Variants in ARHGAP15 observed in about 807,000 individuals in gnomAD.
The protein encoded by ARHGAP15 is rho GTPase-activating protein 15.
A neutral mutation model predicts 63.7 loss-of-function variants in ARHGAP15; 51 were observed. The ratio of observed to expected loss-of-function variants is 0.80; its 90% confidence interval spans 0.64 to 1.01. The LOEUF (loss-of-function observed/expected upper bound fraction) is 1.01, where lower values mean the gene tolerates loss of function less well. Ranked by LOEUF, ARHGAP15 falls within the 50% of genes least tolerant of loss-of-function variation. ARHGAP15 has a pLI of 0.00. For missense variants in ARHGAP15, 560 were observed against 564.6 expected (o/e 0.99, Z 0.08); for synonymous variants, 191 against 193.8 (o/e 0.99, Z 0.12).
intron 2 of ARHGAP15, among the ~76,000 whole-genome samples, chr2:143,173,848 A>G (rs756799061): frequency 1.3e-5 from 2 of 152,146 alleles, no homozygotes; most frequent in Non-Finnish European, 2.9e-5. Context: ...TGTCAACCGT[A>G]TGTTAGATTT....
intron 12 of ARHGAP15, among the ~76,000 whole-genome samples, chr2:143,678,503 C>T (rs1255077184): frequency 6.6e-6 from 1 of 152,190 alleles, no homozygotes; most frequent in Non-Finnish European, 1.5e-5. Context: ...TCCTTTCTTC[C>T]TCACAACAGC....
intron 4 of ARHGAP15, among the ~76,000 whole-genome samples, 155 bp downstream of exon 4, chr2:143,216,600 A>G (rs1359058479): frequency 6.6e-6 from 1 of 152,234 alleles, no homozygotes; most frequent in East Asian, 1.9e-4. Context: ...TTTTAATGGA[A>G]CTACAGTTTT....
intron 8 of ARHGAP15, among the ~76,000 whole-genome samples, chr2:143,483,812 G>A (rs1272895757): frequency 1.3e-5 from 2 of 152,184 alleles, no homozygotes; most frequent in Non-Finnish European, 2.9e-5. Flanking sequence ...AGCAATTTTT[G>A]TTTGCTTGGG....
At chr2:143,262,554 T>TTTTTTTTTTTTTTTTTTTTTG (rs1680778565) in intron 6 of ARHGAP15, among the ~76,000 whole-genome samples, 1 of 149,332 alleles carries the variant, frequency 6.7e-6, no homozygotes, top group African/African-American at 2.5e-5. Flanking sequence ...TTTTTTTTTT[T>TTTTTTTTTTTTTTTTTTTTTG]TTTTTACTTT....
intron 13 of ARHGAP15, among the ~76,000 whole-genome samples, chr2:143,715,978 A>G (rs1315896559): frequency 6.6e-6 from 1 of 152,182 alleles, no homozygotes; most frequent in East Asian, 1.9e-4. Context: ...GAATCCTTTC[A>G]ACACACATTG....
intron 12 of ARHGAP15, among the ~76,000 whole-genome samples, chr2:143,637,629 A>G (rs1163644524): frequency 2.0e-5 from 3 of 152,128 alleles, no homozygotes; most frequent in African/African-American, 7.2e-5. Context: ...TACGTCCTCA[A>G]ATACATTCAA....
At chr2:143,660,377 G>A (rs1188287920) in intron 12 of ARHGAP15, among the ~76,000 whole-genome samples, 2 of 152,148 alleles carry the variant, frequency 1.3e-5, no homozygotes, top group African/African-American at 4.8e-5. Context: ...CTTTCAAGCA[G>A]ATACCAACGT....
At chr2:143,147,830 G>A (rs929350954) in intron 1 of ARHGAP15, among the ~76,000 whole-genome samples, 2 of 151,922 alleles carry the variant, frequency 1.3e-5, no homozygotes, top group Non-Finnish European at 2.9e-5. Context: ...TAAGATTAAT[G>A]TTTACAAATA....
chr2:143,169,260 G>A (rs1003273762), intron 2 of ARHGAP15, among the ~76,000 whole-genome samples: 18 of 152,044 alleles, frequency 1.2e-4, no homozygotes, highest in African/African-American at 3.9e-4. Context: ...ATAACTAGCT[G>A]AAGCTAAGTA....
chr2:143,435,418 A>G, intron 6 of ARHGAP15, 183 bp from the exon 7 acceptor site: 1 of 1,218,396 alleles, frequency 8.2e-7, no homozygotes, highest in Non-Finnish European at 1.1e-6. Context: ...TATGACGTGA[A>G]AAACAGTTTA....
At chr2:143,600,473 ATTC>A (rs1361648479) in intron 11 of ARHGAP15, among the ~76,000 whole-genome samples, 2 of 152,176 alleles carry the variant, frequency 1.3e-5, no homozygotes, top group African/African-American at 4.8e-5. Context: ...TCTGCACAAT[ATTC>A]TTCTTAGCAG....
chr2:143,141,850 G>A (rs3910609), intron 1 of ARHGAP15, among the ~76,000 whole-genome samples: 3 of 151,958 alleles, frequency 2.0e-5, no homozygotes, highest in Non-Finnish European at 2.9e-5. Flanking sequence ...GAGGAGCAAT[G>A]TTCCTAGGGG....
chr2:143,584,166 A>G (rs903933861), intron 11 of ARHGAP15, among the ~76,000 whole-genome samples: 3 of 152,178 alleles, frequency 2.0e-5, no homozygotes, highest in African/African-American at 7.2e-5. Flanking sequence ...CCAACAGGGT[A>G]GATGAAAAAC....
At chr2:143,191,718 A>C (rs946448873) in intron 2 of ARHGAP15, among the ~76,000 whole-genome samples, 2 of 152,228 alleles carry the variant, frequency 1.3e-5, no homozygotes, top group Admixed American at 6.5e-5. Flanking sequence ...GGATCAATCT[A>C]GTCATTCTTT....
At chr2:143,346,250 TCACACACACACA>T (rs138964635) in intron 6 of ARHGAP15, among the ~76,000 whole-genome samples, 7 of 138,636 alleles carry the variant, frequency 5.0e-5, no homozygotes, top group Non-Finnish European at 7.9e-5. Context: ...ACACACACAC[TCACACACACACA>T]CACACACACA....
At chr2:143,407,927 C>G (rs1174529039) in intron 6 of ARHGAP15, among the ~76,000 whole-genome samples, 1 of 135,502 alleles carries the variant, frequency 7.4e-6, no homozygotes, top group African/African-American at 2.7e-5. Flanking sequence ...GACATTTTCT[C>G]CTGTTTTCTG....
intron 8 of ARHGAP15, among the ~76,000 whole-genome samples, chr2:143,471,083 A>G (rs1227000216): frequency 6.7e-6 from 1 of 149,812 alleles, no homozygotes; most frequent in Non-Finnish European, 1.5e-5. Context: ...CACATGTATA[A>G]ATGTATATGA....
intron 2 of ARHGAP15, among the ~76,000 whole-genome samples, chr2:143,168,369 G>C (rs1690633763): frequency 6.6e-6 from 1 of 151,918 alleles, no homozygotes; most frequent in Non-Finnish European, 1.5e-5. Context: ...TGTAGAAACG[G>C]GGTCTTGCTG....
At chr2:143,684,660 C>G (rs1205181001) in intron 12 of ARHGAP15, among the ~76,000 whole-genome samples, 4 of 152,134 alleles carry the variant, frequency 2.6e-5, no homozygotes, top group African/African-American at 9.7e-5. Flanking sequence ...CAGCTAATGT[C>G]ATGTAGTTAA....
Sources: allele counts gnomAD v4.1 joint callset (sites outside exome capture counted in the v4.1 genomes callset), GRCh38; gene constraint gnomAD v4.1.1; transcripts MANE v1.5; gene names NCBI Gene and HGNC (gene_info 2026-07-23, HGNC 2026-07-21).